Variants in RBX1 observed in about 807,000 individuals in gnomAD.
RBX1 encodes the protein E3 ubiquitin-protein ligase RBX1.
For missense variants in RBX1, 46 were observed against 141.4 expected, an observed-to-expected ratio of 0.33 and a Z score of 3.42; for synonymous variants, 48 against 47.9, an observed-to-expected ratio of 1.00 and a Z score of -0.01.
At chr22:40,961,129 C>G (rs982467596) in intron 2 of RBX1, among the ~76,000 whole-genome samples, 15 of 142,232 alleles carry the variant, frequency 1.1e-4, no homozygotes, top group Middle Eastern at 7.4e-3. Flanking sequence ...GCTCTGTCAC[C>G]TAGGCTGGAG....
rs1237450416 is a variant in RBX1, at chr22:40,951,443, C to T, written c.45C>T (p.Ser15=). ...TGGATACCCCGAGCGGCACCAACAG[C>T]GGCGCGGGCAAGAAGCGCTTTGAAG... ...MDVDTPSGTN[S]GAGKKRFEVK... Residue 15 remains serine (S), a synonymous_variant, in exon 1 of 5, where the codon AGC becomes AGT. Coordinates refer to ENST00000216225, the MANE Select transcript of RBX1 (RefSeq NM_014248.4). 1 of 1,613,622 alleles carries T rather than the reference C, an allele frequency of 6.2e-7. No homozygotes were observed. The highest frequency in any genetic ancestry group is 8.5e-7 in the Non-Finnish European group (1 of 1,179,838).
chr22:40,964,166 CT>C, intron 3 of RBX1, 49 bp downstream of exon 3: 1 of 1,394,756 alleles, frequency 7.2e-7, no homozygotes, highest in Non-Finnish European at 1.0e-6. Flanking sequence ...CATATTTCCA[CT>C]TTTCCTGCTT....
intron 4 of RBX1, 103 bp downstream of exon 4, chr22:40,967,987 A>T (rs989604842): frequency 6.7e-6 from 5 of 748,218 alleles, no homozygotes; most frequent in East Asian, 2.6e-5. Flanking sequence ...TGTTTTTTTT[A>T]AAACTAGTTT....
intron 4 of RBX1, among the ~76,000 whole-genome samples, chr22:40,969,275 G>A (rs1031193045): frequency 1.3e-5 from 2 of 152,080 alleles, no homozygotes; most frequent in South Asian, 2.1e-4. Context: ...TCGCACCATC[G>A]CACTCCAACA....
At position 40,964,257 on chromosome 22, in the gene RBX1, T is replaced by C. The variant is rs934753573; in HGVS notation, c.228+140T>C. 54 of 617,114 alleles carry C rather than the reference T, an allele frequency of 8.8e-5. No individual in the cohort carries two copies. The African/African-American group carries it at 9.8e-4, about 11-fold the overall frequency. The allele number at this position is 617,114 out of a possible 1,614,324, so 38.2% of individuals were successfully genotyped here. Reference sequence around the variant, plus strand: ...AAGGTATACAAATAGTAAAAAAGATTTTAAATCATAATACTATTCACCTGT... The same window carrying C: ...AAGGTATACAAATAGTAAAAAAGATCTTAAATCATAATACTATTCACCTGT... On this transcript the variant is annotated intron_variant, in intron 3 of 4. Coordinates refer to ENST00000216225, the MANE Select transcript of RBX1 (RefSeq NM_014248.4).
At chr22:40,969,331 G>A (rs1425548323) in intron 4 of RBX1, among the ~76,000 whole-genome samples, 2 of 152,230 alleles carry the variant, frequency 1.3e-5, no homozygotes, top group Non-Finnish European at 2.9e-5. Flanking sequence ...CCTATTGGTG[G>A]ACATTTGTGT....
intron 2 of RBX1, among the ~76,000 whole-genome samples, chr22:40,955,806 C>G (rs1164529651): frequency 1.3e-5 from 2 of 152,150 alleles, no homozygotes; most frequent in Non-Finnish European, 2.9e-5. Flanking sequence ...CTTCTTTGAG[C>G]TTTGACACTG....
At chr22:40,967,957 T>C in intron 4 of RBX1, 73 bp downstream of exon 4, 1 of 1,008,394 alleles carries the variant, frequency 9.9e-7, no homozygotes, top group Non-Finnish European at 1.6e-6. Flanking sequence ...TCTTGGGGGA[T>C]GGAGACATGA....
intron 4 of RBX1, among the ~76,000 whole-genome samples, chr22:40,971,085 CCTACAG>C (rs2058367882): frequency 6.6e-6 from 1 of 152,144 alleles, no homozygotes; most frequent in African/African-American, 2.4e-5. Context: ...TTGGCTCTGC[CCTACAG>C]CAGGCTCAAG....
intron 3 of RBX1, among the ~76,000 whole-genome samples, chr22:40,964,696 C>A (rs1297857157): frequency 6.6e-6 from 1 of 152,172 alleles, no homozygotes; most frequent in Non-Finnish European, 1.5e-5. Flanking sequence ...AAAATTCATT[C>A]TTTAAGCTGT....
chr22:40,957,533 G>A lies in RBX1; in HGVS notation c.157+3900G>A, dbSNP rs908872859. On this transcript the variant is annotated intron_variant, in intron 2 of 4. Transcript: ENST00000216225. ...TATGCCTGTGGTCCCAGCTACTTGG[G>A]AGGCTGAGGTGGGAAGATCCCTTGA... Among the ~76,000 whole-genome samples the A allele has an allele frequency of 3.9e-5, 6 of 152,306 alleles. No individual in the cohort carries two copies. The East Asian group carries it at 1.2e-3, about 29-fold the overall frequency.
At position 40,955,288 on chromosome 22, in the gene RBX1, G is replaced by A. The variant is rs867913728; in HGVS notation, c.157+1655G>A. ...TTTTTTTTTTTTTGTTTTTTTCAGA[G>A]ACGGGATCTCGCTTTGTTGCCCAGG... On this transcript the variant is annotated intron_variant, in intron 2 of 4. Transcript: ENST00000216225. Among the ~76,000 whole-genome samples, 8 of 141,408 alleles carry A rather than the reference G, an allele frequency of 5.7e-5. No homozygotes were observed. In the South Asian group the frequency reaches 1.8e-3, roughly 31 times the overall value. The allele number at this position is 141,408 out of a possible 152,430, so 92.8% of individuals were successfully genotyped here. A position where few individuals can be genotyped will look rare whatever the true frequency, so the allele number is the denominator to read the frequency against.
chr22:40,970,677 A>G (rs2058366757), intron 4 of RBX1, among the ~76,000 whole-genome samples: 1 of 152,052 alleles, frequency 6.6e-6, no homozygotes, highest in Non-Finnish European at 1.5e-5. Flanking sequence ...TTCTTTACTG[A>G]ATTTTTTACG....
At chr22:40,951,663 G>C (rs1319904134) in intron 1 of RBX1, among the ~76,000 whole-genome samples, 187 bp downstream of exon 1, 1 of 152,168 alleles carries the variant, frequency 6.6e-6, no homozygotes, top group East Asian at 1.9e-4. Context: ...CACTGTTGGG[G>C]GAAGTGTTGG....
At chr22:40,953,818 A>T (rs2058317928) in intron 2 of RBX1, among the ~76,000 whole-genome samples, 185 bp downstream of exon 2, 1 of 152,144 alleles carries the variant, frequency 6.6e-6, no homozygotes, top group African/African-American at 2.4e-5. Context: ...CTGGAGGCAT[A>T]CCCAGCTCTC....
chr22:40,955,260 CTTTTTTT>C (rs776549895), intron 2 of RBX1, among the ~76,000 whole-genome samples: 1 of 138,898 alleles, frequency 7.2e-6, no homozygotes, highest in African/African-American at 2.6e-5. Flanking sequence ...TTTCTTTTTC[CTTTTTTT>C]TTTTTTTTGT....
At chr22:40,962,616 C>T (rs1275779185) in intron 2 of RBX1, among the ~76,000 whole-genome samples, 1 of 151,412 alleles carries the variant, frequency 6.6e-6, no homozygotes, top group East Asian at 1.9e-4. Flanking sequence ...CTGCCTCAGC[C>T]TCCTGAATAG....
intron 4 of RBX1, among the ~76,000 whole-genome samples, chr22:40,970,364 A>G (rs2058365799): frequency 6.6e-6 from 1 of 152,000 alleles, no homozygotes; most frequent in Admixed American, 6.6e-5. Flanking sequence ...AAAAAAAAAA[A>G]AGGAATGTAT....
chr22:40,953,501 G>T (rs1455783879), intron 1 of RBX1, 54 bp from the exon 2 acceptor site: 1 of 1,185,874 alleles, frequency 8.4e-7, no homozygotes, highest in African/African-American at 1.5e-5. Flanking sequence ...GTCCTAAAGA[G>T]TATGTGTGTG....
Sources: allele counts gnomAD v4.1 joint callset (sites outside exome capture counted in the v4.1 genomes callset), GRCh38; gene constraint gnomAD v4.1.1; transcripts MANE v1.5; gene names NCBI Gene and HGNC (gene_info 2026-07-23, HGNC 2026-07-21).